Variants in CTNNA2 observed in about 807,000 individuals in gnomAD.
CTNNA2 encodes catenin alpha 2.
A neutral mutation model predicts 101.0 loss-of-function variants in CTNNA2; 42 were observed. That is an observed-to-expected ratio of 0.42 (90% CI 0.32 to 0.54). The LOEUF is 0.54. Among genes scored for constraint, CTNNA2 ranks in the 20% least tolerant of loss-of-function variants. The pLI is 0.14. For synonymous variants in CTNNA2, 450 were observed against 456.4 expected (o/e 0.99, Z 0.18); for missense variants, 871 against 1,223.1 (o/e 0.71, Z 4.29).
chr2:79,541,417 C>T (rs551663171), intron 1 of CTNNA2, among the ~76,000 whole-genome samples: 46 of 58,266 alleles, frequency 7.9e-4, no homozygotes, highest in African/African-American at 3.3e-3. Flanking sequence ...CATACACACA[C>T]GCACACACAC....
intron 1 of CTNNA2, among the ~76,000 whole-genome samples, chr2:79,613,263 A>G (rs1449991653): frequency 6.6e-6 from 1 of 151,814 alleles, no homozygotes; most frequent in Non-Finnish European, 1.5e-5. Context: ...AAGTCATATC[A>G]GACTCACAGA....
chr2:79,531,187 G>C (rs181643201), intron 1 of CTNNA2, among the ~76,000 whole-genome samples: 2 of 119,354 alleles, frequency 1.7e-5, no homozygotes, highest in African/African-American at 3.0e-5. Flanking sequence ...TTAGTAAATA[G>C]ATACGCTCAT....
intron 7 of CTNNA2, among the ~76,000 whole-genome samples, chr2:80,132,748 G>A (rs1702480749): frequency 6.6e-6 from 1 of 151,840 alleles, no homozygotes; most frequent in South Asian, 2.1e-4. Context: ...AGGTACATGG[G>A]GACACATTGT....
chr2:80,136,938 G>A (rs778710481), intron 7 of CTNNA2, among the ~76,000 whole-genome samples: 6 of 152,080 alleles, frequency 3.9e-5, no homozygotes, highest in Non-Finnish European at 5.9e-5. Context: ...GCATGAAGGT[G>A]GCCTCTTCAT....
At chr2:80,316,884 A>C (rs1678179056) in intron 7 of CTNNA2, among the ~76,000 whole-genome samples, 1 of 152,162 alleles carries the variant, frequency 6.6e-6, no homozygotes, top group African/African-American at 2.4e-5. Context: ...CAAATAGATT[A>C]ATAAGATAAT....
At chr2:79,994,343 G>A (rs1340228850) in intron 7 of CTNNA2, among the ~76,000 whole-genome samples, 1 of 152,154 alleles carries the variant, frequency 6.6e-6, no homozygotes, top group Non-Finnish European at 1.5e-5. Flanking sequence ...CACGAGTTGC[G>A]ACATAGTCAA....
intron 1 of CTNNA2, among the ~76,000 whole-genome samples, chr2:79,537,009 G>A (rs945774341): frequency 6.6e-6 from 1 of 152,118 alleles, no homozygotes; most frequent in Non-Finnish European, 1.5e-5. Context: ...TTTCCTGTTT[G>A]CCTTTTGTTC....
chr2:80,082,467 G>A (rs923655445), intron 7 of CTNNA2, among the ~76,000 whole-genome samples: 3 of 152,132 alleles, frequency 2.0e-5, no homozygotes, highest in Middle Eastern at 3.4e-3. Context: ...CAAAAGTTTT[G>A]CCAAAAAGAT....
chr2:79,855,325 C>G (rs1284046144), intron 3 of CTNNA2, among the ~76,000 whole-genome samples: 3 of 152,148 alleles, frequency 2.0e-5, no homozygotes, highest in Non-Finnish European at 4.4e-5. Flanking sequence ...CACCTAAGAT[C>G]TCTGCACTGA....
intron 9 of CTNNA2, among the ~76,000 whole-genome samples, chr2:80,524,044 A>G (rs1573127332): frequency 1.3e-5 from 2 of 152,310 alleles, no homozygotes; most frequent in East Asian, 1.9e-4. Flanking sequence ...CTGCCTGTGT[A>G]GTCCTGACAA....
chr2:80,385,088 A>G (rs1388511105), intron 7 of CTNNA2, among the ~76,000 whole-genome samples: 1 of 152,112 alleles, frequency 6.6e-6, no homozygotes, highest in Admixed American at 6.6e-5. Flanking sequence ...GTACAACTCC[A>G]GGTTCTATAT....
intron 7 of CTNNA2, among the ~76,000 whole-genome samples, chr2:79,963,282 G>A (rs1014379121): frequency 2.0e-5 from 3 of 152,118 alleles, no homozygotes; most frequent in Non-Finnish European, 4.4e-5. Flanking sequence ...GTGGAAACAT[G>A]TACATAAAGA....
At chr2:79,477,159 C>CTTTTTTTTT (rs1273995759) in intron 4 of CTNNA2, among the ~76,000 whole-genome samples, 1 of 110,930 alleles carries the variant, frequency 9.0e-6, no homozygotes, top group African/African-American at 3.3e-5. Context: ...TCTTTTTTTT[C>CTTTTTTTTT]TTTTTTTTCT....
intron 7 of CTNNA2, among the ~76,000 whole-genome samples, chr2:80,065,974 A>G (rs1193596242): frequency 6.6e-6 from 1 of 152,172 alleles, no homozygotes; most frequent in East Asian, 1.9e-4. Flanking sequence ...GAATGACTTT[A>G]CCCAAACTTG....
At position 79,278,123 on chromosome 2, in the gene CTNNA2, G is replaced by A. The variant is rs145801231; in HGVS notation, c.-405-34586G>A. ...GCCACTGTAGAACCAAGACAACATC[G>A]GCTCTTGCTCCTACTTCACTGTATG... On this transcript the variant is annotated intron_variant, in intron 2 of 21. Coordinates refer to the CTNNA2 transcript ENST00000466387. Among the ~76,000 whole-genome samples, 191 of 152,178 alleles carry A rather than the reference G, an allele frequency of 1.3e-3. 1 individual carries two copies. Among genetic ancestry groups the A allele is most frequent in the African/African-American group, 4.4e-3 (183 of 41,552 alleles).
chr2:79,891,472 C>A (rs1684300406), intron 6 of CTNNA2, among the ~76,000 whole-genome samples: 1 of 152,134 alleles, frequency 6.6e-6, no homozygotes, highest in Admixed American at 6.5e-5. Context: ...TACAAGTTTT[C>A]CATGGACATT....
intron 1 of CTNNA2, among the ~76,000 whole-genome samples, chr2:79,585,874 G>T (rs975219552): frequency 1.3e-5 from 2 of 152,226 alleles, no homozygotes; most frequent in East Asian, 3.9e-4. Flanking sequence ...TTTCCGGGGT[G>T]TGAGCTCAGC....
intron 7 of CTNNA2, among the ~76,000 whole-genome samples, chr2:80,218,438 G>A (rs1708394766): frequency 1.3e-5 from 2 of 152,234 alleles, no homozygotes; most frequent in Admixed American, 6.5e-5. Flanking sequence ...TATTTAAAGG[G>A]ATTGCCCTTG....
intron 7 of CTNNA2, among the ~76,000 whole-genome samples, chr2:79,957,818 C>T (rs1237716681): frequency 1.3e-5 from 2 of 152,188 alleles, no homozygotes; most frequent in Non-Finnish European, 2.9e-5. Context: ...TACTTTTCAA[C>T]CTTATTGTAC....
Sources: gnomAD v4.1 joint callset for allele counts (sites outside exome capture counted in the v4.1 genomes callset) on GRCh38, gnomAD v4.1.1 for gene constraint, MANE v1.5 for transcripts, NCBI Gene and HGNC (gene_info 2026-07-23, HGNC 2026-07-21) for gene names.